The following RASAL1 variants were observed in gnomAD, a reference collection of about 807,000 sequenced individuals.
The protein encoded by RASAL1 is rasGAP-activating-like protein 1.
A neutral mutation model predicts 96.6 loss-of-function variants in RASAL1; 72 were observed. The observed-to-expected ratio is 0.75, with a 90% confidence interval of 0.62 to 0.91. The LOEUF (loss-of-function observed/expected upper bound fraction) is 0.91. Ranked by LOEUF, RASAL1 falls within the 40% of genes least tolerant of loss-of-function variation. The pLI, the probability that RASAL1 is intolerant of heterozygous loss-of-function variation, is 0.00. For missense variants in RASAL1, 1,016 were observed against 1,072.5 expected (o/e 0.95, Z 0.74); for synonymous variants, 405 against 430.4 (o/e 0.94, Z 0.73).
chr12:113,126,686 TCTCA>T (rs1439326606), intron 4 of RASAL1, among the ~76,000 whole-genome samples: 16 of 141,594 alleles, frequency 1.1e-4, no homozygotes, highest in Admixed American at 1.4e-4. Flanking sequence ...TGTCTCTCTC[TCTCA>T]CACACACACA....
rs1465021341 is a variant in RASAL1, at chr12:113,127,872, G to A, written c.238C>T (p.His80Tyr). ...GAGATCTTGCCGATGATGTCGTCGT[G>A]CCTGCAGGAAGGCGGGCACGTGAAG... ...FYVLDEDTVG[H>Y]DDIIGKISLS... is the part of the protein sequence containing the mutation. Residue 80 changes from histidine (H) to tyrosine (Y), a missense_variant and splice_region_variant, in exon 4 of 21, where the codon CAC becomes TAC. By Grantham distance (83) the His-to-Tyr change is moderately conservative. Transcript: ENST00000548055. 6.2e-7 allele frequency: 1 copy of A among 1,613,148 alleles called. No individual in the cohort carries two copies. The highest frequency in any genetic ancestry group is 1.7e-5 in the Admixed American group (1 of 59,988).
chr12:113,112,630 G>C (rs1276018493), intron 12 of RASAL1, among the ~76,000 whole-genome samples: 1 of 151,944 alleles, frequency 6.6e-6, no homozygotes, highest in East Asian at 1.9e-4. Flanking sequence ...CCCCTCCCTC[G>C]TTTATTCCAT....
At chr12:113,103,032 T>A in intron 18 of RASAL1, 1 of 305,388 alleles carries the variant, frequency 3.3e-6, no homozygotes, top group South Asian at 2.7e-5. Context: ...CCTCCTTGAG[T>A]CCCCATCCTG....
chr12:113,132,128 C>T (rs1472299462), intron 1 of RASAL1, among the ~76,000 whole-genome samples: 5 of 152,016 alleles, frequency 3.3e-5, no homozygotes, highest in African/African-American at 1.2e-4. Context: ...CACACCACCA[C>T]ACCTGGCTAA....
chr12:113,109,184 G>A (rs1489067429), intron 13 of RASAL1, among the ~76,000 whole-genome samples: 1 of 151,774 alleles, frequency 6.6e-6, no homozygotes, highest in Non-Finnish European at 1.5e-5. Context: ...CCCAGCCAAG[G>A]ATTTGAACTC....
At position 113,107,130 on chromosome 12, in the gene RASAL1, G is replaced by A. The variant is rs773150705; in HGVS notation, c.1624C>T (p.Leu542=). 1 of 1,613,674 alleles carries A rather than the reference G, an allele frequency of 6.2e-7. No individual in the cohort carries two copies. The highest frequency in any genetic ancestry group is 1.1e-5 in the South Asian group (1 of 90,970). The part of the protein sequence containing the change: ...LQCVSRVRDF[L]DRLVDVDGDE... Reference sequence around the variant, plus strand: ...CCATCCACATCCACCAGCCGGTCCAGGAAGTCTCTCACACGTGAGACACAC... The same window carrying A: ...CCATCCACATCCACCAGCCGGTCCAAGAAGTCTCTCACACGTGAGACACAC... Residue 542 remains leucine, a synonymous_variant, in exon 15 of 21, where the codon CTG becomes TTG. Transcript: ENST00000548055.
intron 12 of RASAL1, 126 bp downstream of exon 12, chr12:113,114,674 C>G (rs1222300108): frequency 2.7e-6 from 2 of 752,592 alleles, no homozygotes; most frequent in Middle Eastern, 2.5e-4. Context: ...TTCAGCTCAG[C>G]CACCGAGCTC....
At position 113,130,529 on chromosome 12, in the gene RASAL1, A is replaced by G. The variant is rs2305910; in HGVS notation, c.122+356T>C. On this transcript the variant is annotated intron_variant, in intron 2 of 20. Transcript: ENST00000548055. The surrounding 1 kb of genome is among the most constrained non-coding windows in gnomAD (Gnocchi z 5.1). ...GGTGCACACACAGACACACATGCAC[A>G]TGCCCACGCGCACAGACATCCCCAG... Among the ~76,000 whole-genome samples, 21,699 of 152,078 alleles carry G rather than the reference A, an allele frequency of 0.14. 1,724 individuals are homozygous for G. The highest frequency in any genetic ancestry group is 0.22 in the African/African-American group (9,284 of 41,468).
At chr12:113,107,371 C>T in intron 14 of RASAL1, 130 bp from the exon 15 acceptor site, 2 of 1,153,872 alleles carry the variant, frequency 1.7e-6, no homozygotes, top group Non-Finnish European at 2.4e-6. Context: ...GCCTGTAATC[C>T]CAGCACTTTG....
rs775460878 is a variant in RASAL1, at chr12:113,103,937, C to T, written c.2104+9G>A. ...AGGGCGGAGCCTGCAGTCCGCCCTG[C>T]CCCCTCACCTGAGCGCTCAGCCTGG... On this transcript the variant is annotated intron_variant, in intron 18 of 20. Transcript: ENST00000548055. 1.9e-6 allele frequency: 3 copies of T among 1,550,592 alleles called. No homozygotes were observed. The highest frequency in any genetic ancestry group is 4.8e-5 in the East Asian group (2 of 41,514).
In RASAL1 at chr12:113,115,123, T is replaced by A; in HGVS notation, c.1068+77A>T. 1.4e-6 allele frequency: 2 copies of A among 1,446,978 alleles called. No individual in the cohort carries two copies. The highest frequency in any genetic ancestry group is 2.3e-5 in the East Asian group (1 of 44,082). 89.6% of individuals were successfully genotyped at this position (1,446,978 alleles called of 1,614,324 possible). ...TCAGTGCTGTCTGAAGCCAGCTAAG[T>A]GAGGGAGCCAGGTAGGCACTGGGAA... On this transcript the variant is annotated intron_variant, in intron 11 of 20. Transcript: ENST00000548055. This position sits in a 1 kb window ranked among gnomAD's most constrained non-coding sequence, Gnocchi z 4.1.
chr12:113,115,901 C>A lies in RASAL1; in HGVS notation c.849+33G>T, dbSNP rs781045247. ...GGCCAGGATCCAGACCCCCGGCACCCGCCTGATAGCATTGCTTGCCTGACG... is the reference window on the plus strand; with the variant it reads ...GGCCAGGATCCAGACCCCCGGCACCAGCCTGATAGCATTGCTTGCCTGACG... On this transcript the variant is annotated intron_variant, in intron 9 of 20. Transcript: ENST00000548055. This position sits in a 1 kb window ranked among gnomAD's most constrained non-coding sequence, Gnocchi z 4.1. The A allele has an allele frequency of 2.5e-5, 40 of 1,582,076 alleles. No individual in the cohort carries two copies. The highest frequency in any genetic ancestry group is 3.2e-5 in the Non-Finnish European group (37 of 1,161,076).
At chr12:113,110,171 C>G (rs1477609747) in intron 13 of RASAL1, among the ~76,000 whole-genome samples, 1 of 152,200 alleles carries the variant, frequency 6.6e-6, no homozygotes, top group Non-Finnish European at 1.5e-5. Context: ...CAAGCTACAT[C>G]CCAGTCTCAA....
At chr12:113,120,228 C>T (rs1038203852) in intron 5 of RASAL1, among the ~76,000 whole-genome samples, 20 of 152,296 alleles carry the variant, frequency 1.3e-4, no homozygotes, top group African/African-American at 4.1e-4. Flanking sequence ...AAGCCTTCTT[C>T]GGTTTCCTAG....
intron 12 of RASAL1, 103 bp from the exon 13 acceptor site, chr12:113,112,381 A>G: frequency 1.1e-6 from 1 of 911,608 alleles, no homozygotes; most frequent in Non-Finnish European, 1.5e-6. Context: ...TCTTCCCTCC[A>G]CGTCCGCAGC....
In RASAL1 at chr12:113,107,178, G is replaced by C; in HGVS notation, c.1576C>G (p.Pro526Ala). ...LGQGKELWMA[P>A]LHPFLLQCVS... ...CACTGCAGCAGGAAGGGGTGCAGGG[G>C]GGCCATCCACAGTTCCTTGCCTTGG... is the stretch of plus-strand genomic sequence containing the variant. The change falls in exon 15 of 21, where the codon CCC (proline) becomes GCC (alanine). Residue 526 changes from proline to alanine, a missense_variant. Pro to Ala is a conservative substitution (Grantham distance 27). Transcript: ENST00000548055. 3.1e-6 allele frequency: 5 copies of C among 1,613,828 alleles called. No homozygotes were observed. The highest frequency in any genetic ancestry group is 4.2e-6 in the Non-Finnish European group (5 of 1,179,796).
Position 113,112,095 on chromosome 12 carries a change from G to C in RASAL1, c.1365C>G (p.Ala455=), listed in dbSNP as rs1950882914. The C allele has an allele frequency of 1.6e-6, 2 of 1,241,730 alleles. No individual in the cohort carries two copies. The highest frequency in any genetic ancestry group is 2.0e-6 in the Non-Finnish European group (2 of 989,494). 76.9% of individuals were successfully genotyped at this position (1,241,730 alleles called of 1,614,324 possible). The part of the protein sequence containing the change: ...HRRVEERFPQ[A]EHQDVKYLAI... ...TCCCATCCTGGCGCACCTGGTGCTCGGCCTGGGGGAAGCGCTCCTCCACTC... is the reference window on the plus strand; with the variant it reads ...TCCCATCCTGGCGCACCTGGTGCTCCGCCTGGGGGAAGCGCTCCTCCACTC... Residue 455 remains alanine (A), a synonymous_variant, in exon 13 of 21, where the codon GCC becomes GCG. Transcript: ENST00000548055.
chr12:113,112,187 C>T lies in RASAL1; in HGVS notation c.1273G>A (p.Ala425Thr). 7.9e-7 allele frequency: 1 copy of T among 1,259,928 alleles called. No homozygotes were observed. The highest frequency in any genetic ancestry group is 1.0e-6 in the Non-Finnish European group (1 of 994,220). The allele number at this position is 1,259,928 out of a possible 1,614,324, so 78.0% of individuals were successfully genotyped here. A position where few individuals can be genotyped will look rare whatever the true frequency, so the allele number is the denominator to read the frequency against. ...CAGCGCCCCACGGAGCCCACGATGGCGTCCACGATGGGCCCCAGGTAGCCC... is the reference window on the plus strand; with the variant it reads ...CAGCGCCCCACGGAGCCCACGATGGTGTCCACGATGGGCCCCAGGTAGCCC... ...LTGYLGPIVDAIVGSVGRCPP... is the reference protein window; with the variant it reads ...LTGYLGPIVDTIVGSVGRCPP... Residue 425 changes from alanine to threonine, a missense_variant, in exon 13 of 21, where the codon GCC (alanine) becomes ACC (threonine). By Grantham distance (58) the Ala-to-Thr change is moderately conservative. Coordinates refer to ENST00000548055, the MANE Select transcript of RASAL1 (RefSeq NM_001301202.2).
At chr12:113,118,888 G>C (rs1951182400) in intron 7 of RASAL1, among the ~76,000 whole-genome samples, 1 of 152,186 alleles carries the variant, frequency 6.6e-6, no homozygotes, top group Admixed American at 6.5e-5. Context: ...TCTCATCCCA[G>C]AATGAGAATC....
Sources: allele counts gnomAD v4.1 joint callset (sites outside exome capture counted in the v4.1 genomes callset), GRCh38; gene constraint gnomAD v4.1.1; non-coding constraint Gnocchi (gnomAD v3.1); transcripts MANE v1.5; gene names NCBI Gene and HGNC (gene_info 2026-07-23, HGNC 2026-07-21).